Variants in KDM5C observed in about 807,000 individuals in gnomAD.
KDM5C encodes lysine-specific demethylase 5C.
Under a neutral mutation model 110.6 loss-of-function variants are expected in KDM5C, and 16 were observed. That is an observed-to-expected ratio of 0.14 (90% CI 0.10 to 0.22). The LOEUF (loss-of-function observed/expected upper bound fraction) is 0.22, where lower values mean the gene tolerates loss of function less well. Ranked by LOEUF, KDM5C falls within the 10% of genes least tolerant of loss-of-function variation. The probability of loss-of-function intolerance (pLI) is 1.00; values close to 1 mark genes in which losing one functional copy is unlikely to be tolerated. For missense variants in KDM5C, 681 were observed against 1,300.9 expected, an observed-to-expected ratio of 0.52 and a Z score of 7.33; for synonymous variants, 511 against 520.4, an observed-to-expected ratio of 0.98 and a Z score of 0.24.
rs781815750 is a variant in KDM5C at position 53,176,475 on chromosome X, C to T, written c.*106G>A. The stretch of plus-strand genomic sequence containing the variant: ...TTGGATGAGGGGTCTGGTGTCTCAC[C>T]GTAACCATATGCAGGAAAACAGAAA... On this transcript the variant is annotated 3_prime_UTR_variant, in exon 26 of 26. Transcript: ENST00000685641. Among the ~76,000 whole-genome samples, 10 of 111,458 alleles carry T rather than the reference C, an allele frequency of 9.0e-5. No individual in the cohort carries two copies. In the East Asian group the frequency reaches 1.4e-3, roughly 16 times the overall value.
chrX:53,195,444 C>T, intron 20 of KDM5C, 34 bp from the exon 21 acceptor site: 1 of 1,135,934 alleles, frequency 8.8e-7, no homozygotes, highest in Non-Finnish European at 1.2e-6. Context: ...CTCAGTTCAA[C>T]TTGCCAATGC....
At chrX:53,210,910 A>C in intron 10 of KDM5C, 53 bp from the exon 11 acceptor site, 1 of 1,089,914 alleles carries the variant, frequency 9.2e-7, no homozygotes. Flanking sequence ...TAAGGAACTG[A>C]GATCTTAAGT....
chrX:53,179,230 G>A (rs782622158), intron 25 of KDM5C, among the ~76,000 whole-genome samples: 36 of 10,801 alleles, frequency 3.3e-3, no homozygotes, highest in South Asian at 0.023. Flanking sequence ...GCAAAACTCC[G>A]TCTCAAAAAA....
intron 12 of KDM5C, among the ~76,000 whole-genome samples, chrX:53,204,566 G>A (rs186087883): frequency 1.8e-5 from 2 of 109,600 alleles, no homozygotes; most frequent in African/African-American, 6.7e-5. Flanking sequence ...GTGTGATCTC[G>A]GCTCATTGTA....
intron 12 of KDM5C, among the ~76,000 whole-genome samples, chrX:53,208,003 ATACT>A (rs1271002113): frequency 1.8e-5 from 2 of 108,774 alleles, no homozygotes; most frequent in Non-Finnish European, 3.8e-5. Context: ...AAAGAAAATA[ATACT>A]TACATTACAT....
chrX:53,177,059 G>T (rs1422072198), intron 25 of KDM5C, among the ~76,000 whole-genome samples: 1 of 111,794 alleles, frequency 8.9e-6, no homozygotes, highest in African/African-American at 3.3e-5. Flanking sequence ...GACCAGACTG[G>T]GCAACAGAGC....
downstream of KDM5C, among the ~76,000 whole-genome samples, chrX:53,187,943 C>G (rs1476081325): frequency 9.2e-6 from 1 of 108,915 alleles, no homozygotes; most frequent in African/African-American, 3.3e-5. Context: ...GGGGTTTCAC[C>G]GTGTTAGCCA....
intron 21 of KDM5C, 51 bp from the exon 22 acceptor site, chrX:53,195,119 C>T (rs1556835707): frequency 4.2e-6 from 5 of 1,186,330 alleles, no homozygotes; most frequent in East Asian, 6.1e-5. Context: ...TTACATCCCC[C>T]GCCTCCTTCC....
downstream of KDM5C, among the ~76,000 whole-genome samples, chrX:53,190,716 T>C (rs781887637): frequency 8.9e-5 from 10 of 111,835 alleles, no homozygotes; most frequent in Non-Finnish European, 1.3e-4. Flanking sequence ...ACTGGAAGAC[T>C]AGATGAAGCA....
intron 12 of KDM5C, among the ~76,000 whole-genome samples, chrX:53,204,087 G>A (rs2073239184): frequency 9.0e-6 from 1 of 111,268 alleles, no homozygotes; most frequent in Non-Finnish European, 1.9e-5. Context: ...ATATTTAAGA[G>A]GAAGAGATTA....
chrX:53,211,944 C>A, intron 8 of KDM5C, 38 bp from the exon 9 acceptor site: 1 of 1,205,222 alleles, frequency 8.3e-7, no homozygotes, highest in Non-Finnish European at 1.1e-6. Flanking sequence ...AAAACAGAGG[C>A]AAAGAGGTGA....
chrX:53,214,649 G>A lies in KDM5C; in HGVS notation c.1122+40C>T, dbSNP rs781982776. 9.3e-6 allele frequency: 11 copies of A among 1,182,441 alleles called. No homozygotes were observed. The African/African-American group carries it at 1.2e-4, about 13-fold the overall frequency. ...AATAAGGCCAGATGAAGGAAGGCAAGGAAGCCCTATGAGGCAGATGTGGAG... is the reference window on the plus strand; with the variant it reads ...AATAAGGCCAGATGAAGGAAGGCAAAGAAGCCCTATGAGGCAGATGTGGAG... On this transcript the variant is annotated intron_variant, in intron 8 of 25. Transcript: ENST00000375401.
At chrX:53,188,640 G>A (rs376217022), downstream of KDM5C, among the ~76,000 whole-genome samples, 28 of 111,478 alleles carry the variant, frequency 2.5e-4, no homozygotes, top group African/African-American at 8.5e-4. Context: ...TTCCCAAAGT[G>A]CTGGGATTAC....
At chrX:53,217,341 C>G in intron 4 of KDM5C, 64 bp from the exon 5 acceptor site, 2 of 1,169,894 alleles carry the variant, frequency 1.7e-6, no homozygotes, top group Non-Finnish European at 2.3e-6. Context: ...AATAACTTCC[C>G]TCTACCCTCA....
chrX:53,176,653 T>C (rs1556824299), intron 25 of KDM5C, among the ~76,000 whole-genome samples: 1 of 112,015 alleles, frequency 8.9e-6, no homozygotes, highest in Admixed American at 9.5e-5. Flanking sequence ...AAAACAAATA[T>C]AAGTTTCTCA....
chrX:53,186,086 G>A (rs1378968120), intron 25 of KDM5C, among the ~76,000 whole-genome samples: 1 of 112,060 alleles, frequency 8.9e-6, no homozygotes, highest in African/African-American at 3.2e-5. Flanking sequence ...GATCCAGATT[G>A]CCACTGCAGC....
downstream of KDM5C, among the ~76,000 whole-genome samples, chrX:53,188,235 G>A (rs1384940961): frequency 9.1e-6 from 1 of 110,486 alleles, no homozygotes; most frequent in Non-Finnish European, 1.9e-5. Flanking sequence ...ATTGCATGTG[G>A]AAGCAACATG....
chrX:53,209,506 T>C (rs1219454191), intron 12 of KDM5C, among the ~76,000 whole-genome samples: 1 of 112,112 alleles, frequency 8.9e-6, no homozygotes, highest in Non-Finnish European at 1.9e-5. Context: ...TGTACAGATA[T>C]CTAGGAATAT....
intron 25 of KDM5C, among the ~76,000 whole-genome samples, chrX:53,176,709 G>C (rs1556824325): frequency 8.9e-6 from 1 of 111,888 alleles, no homozygotes; most frequent in African/African-American, 3.3e-5. Flanking sequence ...ATACTATACA[G>C]GCAAGAAGAT....
Sources: allele counts gnomAD v4.1 joint callset (sites outside exome capture counted in the v4.1 genomes callset), GRCh38; gene constraint gnomAD v4.1.1; transcripts MANE v1.5; gene names NCBI Gene and HGNC (gene_info 2026-07-23, HGNC 2026-07-21).